PCBP3: variants seen among roughly 807,000 people sequenced by gnomAD.
PCBP3 encodes poly(rC) binding protein 3, also known as poly(rC)-binding protein 3.
PCBP3 carries 25 observed loss-of-function variants against 52.7 expected under a neutral mutation model. The ratio of observed to expected loss-of-function variants is 0.47; its 90% CI spans 0.35 to 0.66. The LOEUF is 0.66. PCBP3 is among the 30% of genes least tolerant of loss of function. PCBP3 has a pLI of 0.01. For missense variants in PCBP3, 391 were observed against 490.3 expected, an observed-to-expected ratio of 0.80 and a Z score of 1.91; for synonymous variants, 162 against 183.0, an observed-to-expected ratio of 0.89 and a Z score of 0.93.
Position 45,692,985 on chromosome 21 carries a change from A to G in PCBP3, c.-200+24033A>G, listed in dbSNP as rs538060384. ...GTTGGTTTACTCATTATTCAATGTA[A>G]TCATCATCATTCAATGTAATTCACC... On this transcript the variant is annotated intron_variant, in intron 2 of 17. Coordinates refer to ENST00000681687, the MANE Select transcript of PCBP3 (RefSeq NM_001384156.1). 2.9e-3 allele frequency among the ~76,000 whole-genome samples: 441 copies of G among 152,306 alleles called. 3 individuals carry two copies. The highest frequency in any genetic ancestry group is 0.01 in the Middle Eastern group (3 of 294).
At position 45,897,617 on chromosome 21, in the gene PCBP3, C is replaced by T. The variant is rs767645212; in HGVS notation, c.165+1255C>T. Among the ~76,000 whole-genome samples, 4 of 152,142 alleles carry T rather than the reference C, an allele frequency of 2.6e-5. No homozygotes were observed. In the South Asian group the frequency reaches 6.2e-4, roughly 24 times the overall value. Reference sequence around the variant, plus strand: ...CTGCTTTGGCCAGAACCCCAAGGCCCGACGAGTCCCTGTTCCTATAGCCCC... The same window carrying T: ...CTGCTTTGGCCAGAACCCCAAGGCCTGACGAGTCCCTGTTCCTATAGCCCC... On this transcript the variant is annotated intron_variant, in intron 6 of 17. Coordinates refer to ENST00000681687, the MANE Select transcript of PCBP3 (RefSeq NM_001384156.1).
At chr21:45,934,992 C>T (rs532266612) in intron 15 of PCBP3, among the ~76,000 whole-genome samples, 4 of 152,186 alleles carry the variant, frequency 2.6e-5, no homozygotes, top group Non-Finnish European at 5.9e-5. Flanking sequence ...TGAAGTCACG[C>T]TGTGCACAAA....
chr21:45,761,446 T>G (rs2088649431), intron 4 of PCBP3: 1 of 152,276 alleles, frequency 6.6e-6, no homozygotes, highest in African/African-American at 2.4e-5. Flanking sequence ...GTTCACATAT[T>G]AGGTTTTTAT....
intron 4 of PCBP3, among the ~76,000 whole-genome samples, chr21:45,784,829 A>C (rs1374623689): frequency 6.6e-6 from 1 of 152,172 alleles, no homozygotes; most frequent in Non-Finnish European, 1.5e-5. Context: ...ACCTCCCAGC[A>C]GCCTGCCTTG....
chr21:45,750,896 G>GTGTGTA (rs1555920575), intron 3 of PCBP3: 3 of 148,522 alleles, frequency 2.0e-5, no homozygotes, highest in African/African-American at 7.3e-5. Flanking sequence ...GTGTGTGTGT[G>GTGTGTA]TATATATATA....
At chr21:45,812,457 G>C (rs920519578) in intron 4 of PCBP3, among the ~76,000 whole-genome samples, 1 of 152,182 alleles carries the variant, frequency 6.6e-6, no homozygotes, top group African/African-American at 2.4e-5. Context: ...GCAGGCTGGA[G>C]TGCAGTGGTG....
intron 4 of PCBP3, among the ~76,000 whole-genome samples, chr21:45,845,227 C>T (rs750102408): frequency 2.0e-5 from 3 of 152,224 alleles, no homozygotes; most frequent in Non-Finnish European, 4.4e-5. Flanking sequence ...CTGTCTGAAG[C>T]GGTTTCCCTG....
At chr21:45,798,646 A>G (rs942238579) in intron 4 of PCBP3, among the ~76,000 whole-genome samples, 2 of 151,818 alleles carry the variant, frequency 1.3e-5, no homozygotes, top group African/African-American at 4.8e-5. Context: ...GGATGAATGC[A>G]TGGATCCATA....
chr21:45,909,365 A>C lies in PCBP3; in HGVS notation c.350A>C (p.Asn117Thr). Residue 117 changes from asparagine to threonine, a missense_variant, in exon 10 of 18, where the codon AAC becomes ACC. By Grantham distance (65) the Asn-to-Thr change is moderately conservative. Coordinates refer to ENST00000681687, the MANE Select transcript of PCBP3 (RefSeq NM_001384156.1). ...GTGTCTCTCCCCTAGGATATCATCA[A>C]CTCCATGAGCAACAGCCCTGCCACC... ...IAYKFEEDII[N>T]SMSNSPATSK... The C allele has an allele frequency of 6.2e-7, 1 of 1,612,128 alleles. No individual in the cohort carries two copies. The highest frequency in any genetic ancestry group is 8.5e-7 in the Non-Finnish European group (1 of 1,179,436).
chr21:45,693,244 T>C (rs940196828), intron 2 of PCBP3, among the ~76,000 whole-genome samples: 6 of 152,194 alleles, frequency 3.9e-5, no homozygotes, highest in African/African-American at 1.4e-4. Flanking sequence ...ATGTCTACTC[T>C]TGCCACTTCT....
chr21:45,845,228 G>A (rs922342649), intron 4 of PCBP3, among the ~76,000 whole-genome samples: 4 of 152,244 alleles, frequency 2.6e-5, no homozygotes, highest in East Asian at 1.9e-4. Context: ...TGTCTGAAGC[G>A]GTTTCCCTGA....
chr21:45,743,212 A>G (rs940011498), intron 3 of PCBP3, among the ~76,000 whole-genome samples: 2 of 152,188 alleles, frequency 1.3e-5, no homozygotes, highest in African/African-American at 4.8e-5. Context: ...TTAACATTAT[A>G]TAGGAAAACT....
chr21:45,922,297 C>T (rs925026824), intron 13 of PCBP3, among the ~76,000 whole-genome samples: 7 of 152,100 alleles, frequency 4.6e-5, no homozygotes, highest in South Asian at 2.1e-4. Flanking sequence ...CTCTCTCCTG[C>T]GATCCCAGCA....
chr21:45,831,408 CAAAAAAAA>C (rs59400163), intron 4 of PCBP3, among the ~76,000 whole-genome samples: 3 of 86,594 alleles, frequency 3.5e-5, no homozygotes, highest in Non-Finnish European at 4.9e-5. Context: ...GATGCTGTCT[CAAAAAAAA>C]AAAAAAAAAA....
At chr21:45,766,694 C>G (rs2089362214) in intron 4 of PCBP3, among the ~76,000 whole-genome samples, 1 of 152,194 alleles carries the variant, frequency 6.6e-6, no homozygotes, top group South Asian at 2.1e-4. Context: ...CACAGATGTC[C>G]CCGTCACTCA....
intron 5 of PCBP3, chr21:45,894,015 C>T (rs753643823): frequency 1.4e-4 from 134 of 985,400 alleles, no homozygotes; most frequent in Admixed American, 3.1e-4. Context: ...ACGGCATGGA[C>T]GGGTAGGTGC....
At chr21:45,698,361 G>A (rs555358869) in intron 2 of PCBP3, among the ~76,000 whole-genome samples, 2 of 152,342 alleles carry the variant, frequency 1.3e-5, no homozygotes, top group South Asian at 4.1e-4. Context: ...CCATTATGGG[G>A]GACACATGCT....
rs575693524 is a variant in PCBP3 at position 45,711,476 on chromosome 21, G to T, written c.-199-23916G>T. On this transcript the variant is annotated intron_variant, in intron 2 of 17. Coordinates refer to ENST00000681687, the MANE Select transcript of PCBP3 (RefSeq NM_001384156.1). ...TTCTCACTCCAACAGTGAGAAACTG[G>T]TTTGCACCATCCACTATTGATTTAC... Among the ~76,000 whole-genome samples the T allele has an allele frequency of 1.5e-4, 23 of 152,248 alleles. No individual in the cohort carries two copies. In the South Asian group the frequency reaches 4.6e-3, roughly 30 times the overall value.
chr21:45,878,549 T>C (rs1388564865), intron 5 of PCBP3, among the ~76,000 whole-genome samples: 1 of 152,198 alleles, frequency 6.6e-6, no homozygotes, highest in Non-Finnish European at 1.5e-5. Context: ...ACTGCAGGGT[T>C]GATGGCCCCC....
Sources: allele counts gnomAD v4.1 joint callset (sites outside exome capture counted in the v4.1 genomes callset), GRCh38; gene constraint gnomAD v4.1.1; transcripts MANE v1.5; gene names NCBI Gene and HGNC (gene_info 2026-07-23, HGNC 2026-07-21).